Variants in SRGAP1 observed in about 807,000 individuals in gnomAD.
SRGAP1 encodes SLIT-ROBO Rho GTPase activating protein 1.
A neutral mutation model predicts 121.9 loss-of-function variants in SRGAP1; 43 were observed. That is an observed-to-expected ratio of 0.35 (90% confidence interval 0.28 to 0.46). The LOEUF is 0.46. SRGAP1 is among the 20% of genes least tolerant of loss of function. The probability of loss-of-function intolerance (pLI) is 1.00; values close to 1 mark genes in which losing one functional copy is unlikely to be tolerated. For synonymous variants in SRGAP1, 447 were observed against 485.4 expected (o/e 0.92, Z 1.04); for missense variants, 1,102 against 1,350.9 (o/e 0.82, Z 2.89).
chr12:64,014,359 A>C (rs2034342528), intron 3 of SRGAP1, among the ~76,000 whole-genome samples: 1 of 152,210 alleles, frequency 6.6e-6, no homozygotes, highest in African/African-American at 2.4e-5. Flanking sequence ...GTGATGCCAG[A>C]TTTCTTCTAC....
At chr12:64,038,690 A>G (rs182339903) in intron 4 of SRGAP1, 28 of 152,348 alleles carry the variant, frequency 1.8e-4, no homozygotes, top group African/African-American at 5.3e-4. Flanking sequence ...GGATATCCCA[A>G]TCTCCTAAGG....
intron 1 of SRGAP1, among the ~76,000 whole-genome samples, chr12:63,868,457 T>C (rs1292605021): frequency 6.6e-6 from 1 of 152,036 alleles, no homozygotes; most frequent in Non-Finnish European, 1.5e-5. Flanking sequence ...CTCACTGCAG[T>C]CTTGACTTTC....
At chr12:64,138,355 T>A (rs1331859116) in intron 21 of SRGAP1, among the ~76,000 whole-genome samples, 2 of 152,140 alleles carry the variant, frequency 1.3e-5, no homozygotes, top group African/African-American at 4.8e-5. Flanking sequence ...TATACCACAT[T>A]TTGTTTATCC....
intron 4 of SRGAP1, among the ~76,000 whole-genome samples, chr12:64,030,699 G>A (rs1396765683): frequency 6.6e-6 from 1 of 152,138 alleles, no homozygotes; most frequent in East Asian, 1.9e-4. Context: ...AATAGCTCCT[G>A]GGTTTTCCTC....
chr12:64,017,644 G>C (rs1043561081), intron 4 of SRGAP1, among the ~76,000 whole-genome samples: 2 of 148,482 alleles, frequency 1.3e-5, no homozygotes, highest in Non-Finnish European at 3.0e-5. Flanking sequence ...AACAGAGTGA[G>C]ACTCTATCTC....
chr12:64,082,801 A>C (rs1447847275), intron 10 of SRGAP1, among the ~76,000 whole-genome samples: 6 of 152,194 alleles, frequency 3.9e-5, no homozygotes, highest in African/African-American at 1.4e-4. Flanking sequence ...TACCAGGGAC[A>C]CAAGCTGTGC....
At chr12:63,915,258 T>C (rs2030722562) in intron 1 of SRGAP1, among the ~76,000 whole-genome samples, 1 of 152,246 alleles carries the variant, frequency 6.6e-6, no homozygotes, top group African/African-American at 2.4e-5. Context: ...TTATTGTCAA[T>C]GTTTAGTTAC....
intron 1 of SRGAP1, among the ~76,000 whole-genome samples, chr12:63,882,684 G>A (rs1407778913): frequency 6.6e-6 from 1 of 151,778 alleles, no homozygotes; most frequent in Non-Finnish European, 1.5e-5. Flanking sequence ...TTGAATATAA[G>A]TATGTCTTTT....
At chr12:64,049,917 A>G (rs556829285) in intron 6 of SRGAP1, among the ~76,000 whole-genome samples, 6 of 152,212 alleles carry the variant, frequency 3.9e-5, no homozygotes, top group African/African-American at 1.4e-4. Flanking sequence ...TATTTATTCT[A>G]TTTCTGTAAA....
intron 3 of SRGAP1, among the ~76,000 whole-genome samples, chr12:64,008,931 ATATACT>A (rs1324391417): frequency 6.6e-6 from 1 of 152,132 alleles, no homozygotes; most frequent in Admixed American, 6.5e-5. Flanking sequence ...TCATTACATA[ATATACT>A]TATAATCCCA....
rs534891597 is a variant in SRGAP1, at chr12:64,011,938, T to A, written c.427-5012T>A. 1.2e-3 allele frequency among the ~76,000 whole-genome samples: 178 copies of A among 152,000 alleles called. 1 individual carries two copies. The highest frequency in any genetic ancestry group is 4.1e-3 in the African/African-American group (170 of 41,430). On this transcript the variant is annotated intron_variant, in intron 3 of 21. Coordinates refer to ENST00000355086, the MANE Select transcript of SRGAP1 (RefSeq NM_020762.4). The stretch of plus-strand genomic sequence containing the variant: ...GCAACATGGCAAAACCCTCTCTACA[T>A]AAAATACAAAAATTAGCTGGGCATG...
chr12:63,946,571 A>ACT (rs1163466856), intron 1 of SRGAP1, among the ~76,000 whole-genome samples: 2 of 136,910 alleles, frequency 1.5e-5, no homozygotes, highest in African/African-American at 2.8e-5. Context: ...ACAGAGTCTC[A>ACT]CTCTCTCTCT....
chr12:64,031,317 C>CAAAA (rs578019090), intron 4 of SRGAP1, among the ~76,000 whole-genome samples: 8 of 95,698 alleles, frequency 8.4e-5, no homozygotes, highest in Admixed American at 1.2e-4. Flanking sequence ...GACTCTGTCT[C>CAAAA]AAAAAAAAAA....
In SRGAP1 at chr12:63,989,943, C is replaced by G; in HGVS notation, c.297C>G (p.Cys99Trp). The change falls in exon 3 of 22, where the codon TGC becomes TGG. Residue 99 changes from cysteine (C) to tryptophan (W), a missense_variant. Physicochemically the swap from Cys to Trp is radical, Grantham distance 215. This residue lies in a region of SRGAP1 where 747 missense variants were observed against 929.4 expected (regional missense o/e 0.80). Coordinates refer to ENST00000355086, the MANE Select transcript of SRGAP1 (RefSeq NM_020762.4). ...AGAACCTGTTGTCTCCAGTGAACTG[C>G]TGGTATTTGCTCCTGAACCAAGTAA... ...KDQNLLSPVNCWYLLLNQVRR... is the reference protein window; with the variant it reads ...KDQNLLSPVNWWYLLLNQVRR... 6.2e-7 allele frequency: 1 copy of G among 1,613,004 alleles called. No homozygotes were observed. Among genetic ancestry groups the G allele is most frequent in the Non-Finnish European group, 8.5e-7 (1 of 1,179,574 alleles).
At chr12:63,865,456 G>C (rs1175530112) in intron 1 of SRGAP1, among the ~76,000 whole-genome samples, 2 of 151,984 alleles carry the variant, frequency 1.3e-5, no homozygotes, top group Non-Finnish European at 2.9e-5. Flanking sequence ...GCGATAGAGC[G>C]AGATTCAGTC....
At chr12:64,074,254 T>C (rs1313837427) in intron 8 of SRGAP1, among the ~76,000 whole-genome samples, 1 of 152,210 alleles carries the variant, frequency 6.6e-6, no homozygotes, top group South Asian at 2.1e-4. Context: ...TGACTAACTT[T>C]CGTGCTTTCT....
intron 1 of SRGAP1, among the ~76,000 whole-genome samples, chr12:63,965,523 G>C (rs1414565840): frequency 1.3e-5 from 2 of 151,856 alleles, no homozygotes; most frequent in Non-Finnish European, 2.9e-5. Flanking sequence ...AAAATACAGT[G>C]GGCTGGGTGT....
intron 18 of SRGAP1, among the ~76,000 whole-genome samples, chr12:64,122,975 C>T (rs1054170709): frequency 2.6e-5 from 4 of 152,102 alleles, no homozygotes; most frequent in African/African-American, 4.8e-5. Flanking sequence ...ATGTATATAT[C>T]TGTTGAATAG....
At chr12:64,131,184 A>C (rs2036779034) in intron 21 of SRGAP1, among the ~76,000 whole-genome samples, 1 of 152,182 alleles carries the variant, frequency 6.6e-6, no homozygotes, top group Non-Finnish European at 1.5e-5. Context: ...TATCCACTTG[A>C]TTATCAAAAT....
Sources: allele counts gnomAD v4.1 joint callset (sites outside exome capture counted in the v4.1 genomes callset), GRCh38; gene constraint gnomAD v4.1.1; regional missense constraint gnomAD v4.1.1; transcripts MANE v1.5; gene names NCBI Gene and HGNC (gene_info 2026-07-23, HGNC 2026-07-21).